Variants in MARCHF1 observed in about 807,000 individuals in gnomAD.
MARCHF1 encodes membrane associated ring-CH-type finger 1.
In MARCHF1, 40 loss-of-function variants were observed where a neutral mutation model predicts 54.2. That is an observed-to-expected ratio of 0.74 (90% confidence interval 0.57 to 0.96). The LOEUF (loss-of-function observed/expected upper bound fraction) is 0.96, where lower values mean the gene tolerates loss of function less well. Ranked by LOEUF, MARCHF1 falls within the 40% of genes least tolerant of loss-of-function variation. MARCHF1 has a pLI of 0.00. For synonymous variants in MARCHF1, 236 were observed against 236.3 expected, an observed-to-expected ratio of 1.00 and a Z score of 0.01; for missense variants, 586 against 656.5, an observed-to-expected ratio of 0.89 and a Z score of 1.17.
chr4:164,151,260 A>G (rs148973880), intron 1 of MARCHF1, among the ~76,000 whole-genome samples: 3 of 152,314 alleles, frequency 2.0e-5, no homozygotes, highest in East Asian at 3.9e-4. Flanking sequence ...TTCTAAGGAG[A>G]AAAAACATTA....
In MARCHF1 at chr4:163,854,076, G is replaced by T; in HGVS notation, c.56C>A (p.Thr19Lys). 1.3e-6 allele frequency: 2 copies of T among 1,536,854 alleles called. No homozygotes were observed. Among genetic ancestry groups the T allele is most frequent in the Non-Finnish European group, 1.7e-6 (2 of 1,146,658 alleles). Residue 19 changes from threonine to lysine, a missense_variant, in exon 4 of 10, where the codon ACG becomes AAG. Physicochemically the swap from Thr to Lys is moderately conservative, Grantham distance 78. Around this residue, in one of 3 missense-constraint regions of MARCHF1, gnomAD observed 387 missense variants for 394.6 expected, o/e 0.98. Transcript: ENST00000514618. ...ARNPHRIPNNTRTPEISGDLA... is the reference protein window; with the variant it reads ...ARNPHRIPNNKRTPEISGDLA... ...ATCCCCTGAGATCTCGGGTGTTCGC[G>T]TGTTGTTTGGAATTCTGTGAGGGTT...
intron 4 of MARCHF1, among the ~76,000 whole-genome samples, chr4:163,837,056 A>AAT (rs1216506915): frequency 2.0e-5 from 3 of 152,322 alleles, no homozygotes; most frequent in African/African-American, 7.2e-5. Context: ...ATATTTGTAT[A>AAT]ATCATAAGAA....
intron 1 of MARCHF1, among the ~76,000 whole-genome samples, chr4:164,261,976 G>A (rs1335749087): frequency 1.3e-5 from 2 of 151,826 alleles, no homozygotes; most frequent in African/African-American, 2.4e-5. Flanking sequence ...GTGGGTGTGT[G>A]TGTGTGTGGT....
intron 2 of MARCHF1, among the ~76,000 whole-genome samples, chr4:164,098,648 C>G (rs1444824730): frequency 6.6e-6 from 1 of 152,174 alleles, no homozygotes. Context: ...TATGTATTCC[C>G]AACTATTTTA....
intron 4 of MARCHF1, among the ~76,000 whole-genome samples, chr4:163,838,030 A>G (rs945441729): frequency 1.3e-5 from 2 of 152,182 alleles, no homozygotes; most frequent in South Asian, 2.1e-4. Context: ...ATGGAAGTAC[A>G]AAACTATTTG....
chr4:164,243,518 G>A (rs1049889167), intron 1 of MARCHF1, among the ~76,000 whole-genome samples: 175 of 152,052 alleles, frequency 1.2e-3, no homozygotes, highest in Non-Finnish European at 2.1e-3. Flanking sequence ...AAAATGTAAA[G>A]ACCATCGAGA....
intron 3 of MARCHF1, among the ~76,000 whole-genome samples, chr4:163,879,067 A>G (rs1201236087): frequency 6.6e-6 from 1 of 152,242 alleles, no homozygotes; most frequent in East Asian, 1.9e-4. Context: ...TGAACAGTAA[A>G]GAATGTAAGA....
At chr4:164,337,084 A>T (rs1006231916) in intron 1 of MARCHF1, among the ~76,000 whole-genome samples, 3 of 152,162 alleles carry the variant, frequency 2.0e-5, no homozygotes. Flanking sequence ...GAAAGGAAAA[A>T]AGTAAACCTG....
intron 1 of MARCHF1, among the ~76,000 whole-genome samples, chr4:164,288,517 A>G (rs1025128241): frequency 6.6e-5 from 10 of 152,192 alleles, no homozygotes; most frequent in African/African-American, 2.4e-4. Flanking sequence ...AAAAAAGGAA[A>G]TCAGCAGTAT....
intron 5 of MARCHF1, among the ~76,000 whole-genome samples, chr4:163,695,734 G>A (rs1017293043): frequency 2.0e-4 from 30 of 152,126 alleles, no homozygotes; most frequent in Non-Finnish European, 3.1e-4. Flanking sequence ...AGTACAAGCC[G>A]TTCTTTCCTT....
intron 3 of MARCHF1, among the ~76,000 whole-genome samples, chr4:163,954,554 C>T (rs2110791765): frequency 6.6e-6 from 1 of 152,250 alleles, no homozygotes; most frequent in South Asian, 2.1e-4. Context: ...AGAATTTTCA[C>T]ATGTTCATGT....
chr4:164,343,747 G>A (rs942169008), intron 1 of MARCHF1, among the ~76,000 whole-genome samples: 10 of 152,134 alleles, frequency 6.6e-5, no homozygotes, highest in African/African-American at 9.7e-5. Flanking sequence ...TGAGGTTGCC[G>A]AGAAATGGAA....
chr4:164,155,720 T>C (rs1730059800), intron 1 of MARCHF1, among the ~76,000 whole-genome samples: 1 of 152,176 alleles, frequency 6.6e-6, no homozygotes, highest in South Asian at 2.1e-4. Flanking sequence ...TAATACCCAT[T>C]AATAATACAC....
intron 5 of MARCHF1, among the ~76,000 whole-genome samples, chr4:163,676,615 G>T (rs906560076): frequency 6.6e-6 from 1 of 152,006 alleles, no homozygotes; most frequent in Non-Finnish European, 1.5e-5. Flanking sequence ...AATTGGCAGG[G>T]CATGGTGGCA....
chr4:164,381,819 C>A lies in MARCHF1; in HGVS notation c.-323+2051G>T, dbSNP rs112947790. Among the ~76,000 whole-genome samples, 207 of 152,158 alleles carry A rather than the reference C, an allele frequency of 1.4e-3. 1 individual carries two copies. Among genetic ancestry groups the A allele is most frequent in the Middle Eastern group, 6.8e-3 (2 of 294 alleles). On this transcript the variant is annotated intron_variant, in intron 1 of 9. Coordinates refer to ENST00000514618, the MANE Select transcript of MARCHF1 (RefSeq NM_001394959.1). ...CTCTAAGAACCTTAAAGTAAAACCC[C>A]ATTATCATAAAAACATAGTACAACA...
At chr4:164,369,059 G>A (rs1730958892) in intron 1 of MARCHF1, among the ~76,000 whole-genome samples, 1 of 131,254 alleles carries the variant, frequency 7.6e-6, no homozygotes, top group African/African-American at 3.0e-5. Context: ...GTTGTCCTAT[G>A]ACTGAACGTT....
intron 1 of MARCHF1, among the ~76,000 whole-genome samples, chr4:164,367,791 T>C (rs1730918376): frequency 6.6e-6 from 1 of 151,998 alleles, no homozygotes; most frequent in African/African-American, 2.4e-5. Context: ...AAGTTTTAAA[T>C]AAATTCACCT....
At chr4:164,263,531 G>C (rs1025712874) in intron 1 of MARCHF1, among the ~76,000 whole-genome samples, 1 of 151,886 alleles carries the variant, frequency 6.6e-6, no homozygotes, top group Non-Finnish European at 1.5e-5. Context: ...CCAGTAGTTG[G>C]GATTACTAGC....
At chr4:164,171,990 AC>A (rs1162210774) in intron 1 of MARCHF1, among the ~76,000 whole-genome samples, 4 of 152,202 alleles carry the variant, frequency 2.6e-5, no homozygotes, top group African/African-American at 9.7e-5. Context: ...CACCCAGGTC[AC>A]TACGTCATAG....
Sources: gnomAD v4.1 joint callset for allele counts (sites outside exome capture counted in the v4.1 genomes callset) on GRCh38, gnomAD v4.1.1 for gene constraint, gnomAD v4.1.1 regional missense constraint, MANE v1.5 for transcripts, NCBI Gene and HGNC (gene_info 2026-07-23, HGNC 2026-07-21) for gene names.